FILIP1: variants seen among roughly 807,000 people sequenced by gnomAD.
The protein encoded by FILIP1 is filamin A interacting protein 1.
In FILIP1, 61 loss-of-function variants were observed where a neutral mutation model predicts 102.1. The ratio of observed to expected loss-of-function variants is 0.60; its 90% CI spans 0.49 to 0.74. The LOEUF is 0.74. FILIP1 is among the 30% of genes least tolerant of loss of function. The pLI is 0.00. For missense variants in FILIP1, 1,314 were observed against 1,441.2 expected, an observed-to-expected ratio of 0.91 and a Z score of 1.43; for synonymous variants, 491 against 526.9, an observed-to-expected ratio of 0.93 and a Z score of 0.93.
chr6:75,313,312 C>T lies in FILIP1; in HGVS notation c.2520G>A (p.Gln840=), dbSNP rs1773281573. The change falls in exon 5 of 6, where the codon CAG becomes CAA. Residue 840 remains glutamine, a synonymous_variant. Coordinates refer to ENST00000237172, the MANE Select transcript of FILIP1 (RefSeq NM_015687.5). The surrounding 1 kb of genome is among the most constrained non-coding windows in gnomAD (Gnocchi z 4.2). The part of the protein sequence containing the change: ...EENHIMSNLR[Q]VGLKKPVERS... ...TTTCCACGGGTTTCTTCAATCCCAC[C>T]TGCCGAAGATTACTCATAATATGAT... 1 of 1,614,204 alleles carries T rather than the reference C, an allele frequency of 6.2e-7. No individual in the cohort carries two copies. Among genetic ancestry groups the T allele is most frequent in the East Asian group, 2.2e-5 (1 of 44,886 alleles).
intron 1 of FILIP1, among the ~76,000 whole-genome samples, chr6:75,481,566 G>T (rs1005258401): frequency 6.6e-6 from 1 of 152,112 alleles, no homozygotes; most frequent in Non-Finnish European, 1.5e-5. Context: ...CAGAATGCAG[G>T]CATCCTCTAT....
At chr6:75,472,250 T>G (rs2149765665) in intron 1 of FILIP1, among the ~76,000 whole-genome samples, 1 of 152,198 alleles carries the variant, frequency 6.6e-6, no homozygotes, top group South Asian at 2.1e-4. Context: ...TCTTTATTTT[T>G]GGGGGCCATG....
chr6:75,299,950 CT>C (rs1291734979), intron 6 of FILIP1, among the ~76,000 whole-genome samples: 2 of 152,118 alleles, frequency 1.3e-5, no homozygotes, highest in African/African-American at 4.8e-5. Context: ...AGAATGTTTC[CT>C]GAGTGCAGAG....
intron 6 of FILIP1, among the ~76,000 whole-genome samples, chr6:75,300,115 C>T (rs1772796248): frequency 6.6e-6 from 1 of 151,986 alleles, no homozygotes; most frequent in Admixed American, 6.6e-5. Context: ...AACACTTGAG[C>T]TCTACATTTA....
intron 4 of FILIP1, among the ~76,000 whole-genome samples, chr6:75,342,997 T>C (rs905641761): frequency 6.6e-6 from 1 of 152,214 alleles, no homozygotes; most frequent in Admixed American, 6.5e-5. Context: ...ATCCATATGC[T>C]GAAGCCCTAA....
chr6:75,346,706 C>T (rs1774597832), intron 4 of FILIP1, among the ~76,000 whole-genome samples: 1 of 152,112 alleles, frequency 6.6e-6, no homozygotes, highest in Admixed American at 6.6e-5. Flanking sequence ...TTTCTTTATA[C>T]CATCTCCCAC....
intron 4 of FILIP1, among the ~76,000 whole-genome samples, chr6:75,321,738 G>A (rs1437054906): frequency 6.6e-6 from 1 of 151,906 alleles, no homozygotes; most frequent in African/African-American, 2.4e-5. Flanking sequence ...AGCTTGCAGT[G>A]AGCCGAGATT....
intron 6 of FILIP1, among the ~76,000 whole-genome samples, chr6:75,299,951 T>C (rs1466017683): frequency 6.6e-6 from 1 of 152,180 alleles, no homozygotes; most frequent in African/African-American, 2.4e-5. Flanking sequence ...GAATGTTTCC[T>C]GAGTGCAGAG....
chr6:75,381,497 A>G (rs2842452), intron 2 of FILIP1, among the ~76,000 whole-genome samples: 112,990 of 152,030 alleles, frequency 0.74, 42,577 homozygotes, highest in African/African-American at 0.88. Flanking sequence ...CAAAGTGCTG[A>G]GATTACAGGC....
intron 4 of FILIP1, chr6:75,319,247 C>A: frequency 1.4e-6 from 1 of 713,566 alleles, no homozygotes; most frequent in Non-Finnish European, 2.6e-6. Context: ...GGCTGCTTGT[C>A]ATCTGCAACA....
intron 1 of FILIP1, chr6:75,473,838 G>C (rs995414759): frequency 6.6e-6 from 1 of 152,132 alleles, no homozygotes; most frequent in African/African-American, 2.4e-5. Flanking sequence ...AGAGTGCAAT[G>C]GATGAGCCTC....
chr6:75,307,926 A>G (rs114532442), downstream of FILIP1, among the ~76,000 whole-genome samples: 1,661 of 152,328 alleles, frequency 0.011, 34 homozygotes, highest in African/African-American at 0.037. Flanking sequence ...GCTCTTTTCA[A>G]ACTATTCCAC....
At chr6:75,390,973 C>T (rs1003025197) in intron 2 of FILIP1, among the ~76,000 whole-genome samples, 8 of 152,116 alleles carry the variant, frequency 5.3e-5, no homozygotes, top group African/African-American at 1.9e-4. Flanking sequence ...CACACTACCT[C>T]AGCCCTCACT....
intron 1 of FILIP1, chr6:75,465,693 T>C: frequency 4.5e-6 from 1 of 222,118 alleles, no homozygotes; most frequent in Non-Finnish European, 8.7e-6. Context: ...AAGCTCCCAT[T>C]CAAGGACAAT....
At chr6:75,354,751 A>G (rs1159686944) in intron 3 of FILIP1, among the ~76,000 whole-genome samples, 1 of 152,188 alleles carries the variant, frequency 6.6e-6, no homozygotes, top group African/African-American at 2.4e-5. Context: ...GATAGCACAA[A>G]GCTCTATACT....
chr6:75,416,335 A>G (rs1042684334), intron 1 of FILIP1, among the ~76,000 whole-genome samples: 3 of 152,044 alleles, frequency 2.0e-5, no homozygotes, highest in African/African-American at 7.2e-5. Context: ...GGACGCTTTT[A>G]TGTGTGTGTG....
At chr6:75,353,762 T>G in intron 3 of FILIP1, 45 bp from the exon 4 acceptor site, 1 of 1,582,910 alleles carries the variant, frequency 6.3e-7, no homozygotes, top group Non-Finnish European at 8.6e-7. Flanking sequence ...TTATTGCATT[T>G]GCATAGGACT....
chr6:75,415,237 C>G (rs187071381), intron 1 of FILIP1, among the ~76,000 whole-genome samples: 67 of 151,960 alleles, frequency 4.4e-4, no homozygotes, highest in Non-Finnish European at 8.2e-4. Context: ...TGTTACATAG[C>G]CCCCATAATA....
chr6:75,432,798 A>G lies in FILIP1; in HGVS notation c.-6-17820T>C, dbSNP rs145955422. 5.5e-3 allele frequency among the ~76,000 whole-genome samples: 834 copies of G among 152,248 alleles called. 5 individuals carry two copies. Among genetic ancestry groups the G allele is most frequent in the African/African-American group, 0.018 (763 of 41,522 alleles). On this transcript the variant is annotated intron_variant, in intron 1 of 5. Transcript: ENST00000237172. ...CAGCATCCATTAACTCGTCATTTAC[A>G]TTAGGTATATCTCCTAATGCTATCC...
Sources: gnomAD v4.1 joint callset for allele counts (sites outside exome capture counted in the v4.1 genomes callset) on GRCh38, gnomAD v4.1.1 for gene constraint, Gnocchi (gnomAD v3.1) non-coding constraint, MANE v1.5 for transcripts, NCBI Gene and HGNC (gene_info 2026-07-23, HGNC 2026-07-21) for gene names.